Variants in PPFIA4 observed in about 807,000 individuals in gnomAD.
PPFIA4 encodes the protein PPFI scaffold protein A4.
PPFIA4 carries 98 observed loss-of-function variants against 145.7 expected under a neutral mutation model. The ratio of observed to expected loss-of-function variants is 0.67; its 90% CI spans 0.57 to 0.80. The LOEUF is 0.80. Among genes scored for constraint, PPFIA4 ranks in the 30% least tolerant of loss-of-function variants. The probability of loss-of-function intolerance (pLI) is 0.00; values close to 1 mark genes in which losing one functional copy is unlikely to be tolerated. For synonymous variants in PPFIA4, 628 were observed against 649.6 expected (o/e 0.97, Z 0.51); for missense variants, 1,457 against 1,632.7 (o/e 0.89, Z 1.85).
chr1:203,035,206 TG>T (rs1457584139), intron 1 of PPFIA4: 3 of 434,214 alleles, frequency 6.9e-6, no homozygotes, highest in Non-Finnish European at 1.4e-5. Flanking sequence ...GCTCCCTTTT[TG>T]CCCAGCTGAA....
Position 203,044,769 on chromosome 1 carries a change from C to T in PPFIA4, c.650C>T (p.Pro217Leu), listed in dbSNP as rs1485866754. The T allele has an allele frequency of 1.3e-5, 20 of 1,563,822 alleles. No homozygotes were observed. The highest frequency in any genetic ancestry group is 1.9e-5 in the Admixed American group (1 of 52,206). ...AEEEGTVELGPKRLWKEDTGR... is the reference protein window; with the variant it reads ...AEEEGTVELGLKRLWKEDTGR... The stretch of plus-strand genomic sequence containing the variant: ...GAGGAGGGGACTGTGGAGCTGGGGC[C>T]GAAACGCCTGTGGAAGGTAGGTCAT... Residue 217 changes from proline (P) to leucine (L), a missense_variant, in exon 6 of 30, where the codon CCG becomes CTG. Pro to Leu is a moderately conservative substitution (Grantham distance 98). Transcript: ENST00000295706.
chr1:203,054,711 CAGAG>C lies in PPFIA4; in HGVS notation c.1830-709_1830-706del, dbSNP rs368481154. Among the ~76,000 whole-genome samples the C allele has an allele frequency of 1.6e-3, 239 of 151,248 alleles. 3 individuals carry two copies. The highest frequency in any genetic ancestry group is 4.9e-3 in the African/African-American group (203 of 41,232). ...ACACACACACACACACATACACACA[CAGAG>C]AGAGAGAGAGAAAGGTACAAACGTA... is the stretch of plus-strand genomic sequence containing the variant. On this transcript the variant is annotated intron_variant, in intron 15 of 29. Transcript: ENST00000295706.
At chr1:203,029,917 G>T (rs1017787912) in intron 1 of PPFIA4, among the ~76,000 whole-genome samples, 1 of 152,152 alleles carries the variant, frequency 6.6e-6, no homozygotes, top group Non-Finnish European at 1.5e-5. Flanking sequence ...GAGTGCATAC[G>T]CACAATATGA....
intron 1 of PPFIA4, among the ~76,000 whole-genome samples, chr1:203,032,734 A>G (rs1658944084): frequency 6.6e-6 from 1 of 151,138 alleles, no homozygotes; most frequent in Non-Finnish European, 1.5e-5. Flanking sequence ...GGCATGAGCT[A>G]CCATGCCCGG....
chr1:203,037,484 T>G (rs1659368665), intron 1 of PPFIA4, among the ~76,000 whole-genome samples: 1 of 152,226 alleles, frequency 6.6e-6, no homozygotes, highest in East Asian at 1.9e-4. Context: ...GTCCTGCAAC[T>G]GGGACCTCTG....
Position 203,075,689 on chromosome 1 carries a change from G to T in PPFIA4, c.3506G>T (p.Gly1169Val). 5 of 1,488,474 alleles carry T rather than the reference G, an allele frequency of 3.4e-6. No individual in the cohort carries two copies. The highest frequency in any genetic ancestry group is 4.5e-6 in the Non-Finnish European group (5 of 1,116,902). 92.2% of individuals were successfully genotyped at this position (1,488,474 alleles called of 1,614,324 possible). Residue 1169 changes from glycine to valine, a missense_variant, in exon 29 of 30, where the codon GGC becomes GTC. By Grantham distance (109) the Gly-to-Val change is moderately radical. This residue lies in a region of PPFIA4 where 146 missense variants were observed against 126.2 expected (regional missense o/e 1.16). Coordinates refer to ENST00000295706, the MANE Select transcript of PPFIA4 (RefSeq NM_001304331.2). The surrounding 1 kb of genome is among the most constrained non-coding windows in gnomAD (Gnocchi z 4.1). Reference protein sequence around the residue: ...LSASAETLPAGFRVSTLGTLQ... With the variant: ...LSASAETLPAVFRVSTLGTLQ... ...GCTTCCGCGGAGACCCTCCCGGCGG[G>T]CTTCCGTGTGTCCACCCTGGGGACC...
chr1:203,069,763 G>T (rs2364570), intron 27 of PPFIA4, among the ~76,000 whole-genome samples: 2 of 108,708 alleles, frequency 1.8e-5, no homozygotes, highest in South Asian at 3.4e-4. Flanking sequence ...TGACCCCCCC[G>T]CCCCGCCCCC....
At position 203,051,808 on chromosome 1, in the gene PPFIA4, G is replaced by T. The variant is rs1219046560; in HGVS notation, c.1551G>T (p.Leu517=). 8.7e-6 allele frequency: 14 copies of T among 1,613,672 alleles called. No homozygotes were observed. In the East Asian group the frequency reaches 2.9e-4, roughly 33 times the overall value. Residue 517 remains leucine (L), a synonymous_variant, in exon 14 of 30, where the codon CTG becomes CTT. Coordinates refer to ENST00000295706, the MANE Select transcript of PPFIA4 (RefSeq NM_001304331.2). The part of the protein sequence containing the change: ...MGSAADVRFS[L]GTTTHAPPGV... ...GTGCAGCAGACGTGCGGTTCTCCCT[G>T]GGCACAACCACACACGCACCCCCAG...
At position 203,055,813 on chromosome 1, in the gene PPFIA4, C is replaced by A; in HGVS notation, c.2070+141C>A. ...GTGTGCAGACCCCGACATGTCAGGC[C>A]ACCAGCCTGTCCTTCTGGGTTTGGG... On this transcript the variant is annotated intron_variant, in intron 16 of 29. Coordinates refer to ENST00000295706, the MANE Select transcript of PPFIA4 (RefSeq NM_001304331.2). The surrounding 1 kb of genome is among the most constrained non-coding windows in gnomAD (Gnocchi z 4.8). 1 of 1,334,596 alleles carries A rather than the reference C, an allele frequency of 7.5e-7. No individual in the cohort carries two copies. The highest frequency in any genetic ancestry group is 1.0e-6 in the Non-Finnish European group (1 of 974,618). 82.7% of individuals were successfully genotyped at this position (1,334,596 alleles called of 1,614,324 possible).
In PPFIA4 at chr1:203,048,168, G is replaced by A. The variant is rs1009401718; in HGVS notation, c.1141-59G>A. 1.4e-5 allele frequency: 22 copies of A among 1,550,244 alleles called. No individual in the cohort carries two copies. Among genetic ancestry groups the A allele is most frequent in the East Asian group, 4.6e-5 (2 of 43,894 alleles). On this transcript the variant is annotated intron_variant, in intron 9 of 29. Coordinates refer to ENST00000295706, the MANE Select transcript of PPFIA4 (RefSeq NM_001304331.2). The surrounding 1 kb of genome is among the most constrained non-coding windows in gnomAD (Gnocchi z 5.8). Reference sequence around the variant, plus strand: ...CCTGGCACCAGGGTGCAGGGGATGCGGGGCCTGAGCAGGAAGAACAGAGAT... The same window carrying A: ...CCTGGCACCAGGGTGCAGGGGATGCAGGGCCTGAGCAGGAAGAACAGAGAT...
At position 203,068,565 on chromosome 1, in the gene PPFIA4, G is replaced by A; in HGVS notation, c.3261G>A (p.Leu1087=). The change falls in exon 27 of 30, where the codon CTG becomes CTA. Residue 1087 remains leucine (L), a synonymous_variant. Transcript: ENST00000295706. This position sits in a 1 kb window ranked among gnomAD's most constrained non-coding sequence, Gnocchi z 4.7. ...ESGVHGALLA[L]DENFDHNTLA... ...GTGTGCATGGAGCCTTGCTGGCCCTGGACGAGAACTTCGACCACAACACAC... is the reference window on the plus strand; with the variant it reads ...GTGTGCATGGAGCCTTGCTGGCCCTAGACGAGAACTTCGACCACAACACAC... 6.2e-7 allele frequency: 1 copy of A among 1,600,354 alleles called. No homozygotes were observed. The highest frequency in any genetic ancestry group is 8.5e-7 in the Non-Finnish European group (1 of 1,173,922).
At position 203,061,021 on chromosome 1, in the gene PPFIA4, T is replaced by G; in HGVS notation, c.2836T>G (p.Ser946Ala). The change falls in exon 23 of 30, where the codon TCT (serine) becomes GCT (alanine). Residue 946 changes from serine (S) to alanine (A), a missense_variant. By Grantham distance (99) the Ser-to-Ala change is moderately conservative. This residue lies in a region of PPFIA4 where 848 missense variants were observed against 1,046.7 expected (regional missense o/e 0.81). Coordinates refer to ENST00000295706, the MANE Select transcript of PPFIA4 (RefSeq NM_001304331.2). ...TGAAGAGATGGAAACTCTGGAAACA[T>G]CTACTAAAACAGTGAGTCTGGCCCT... ...THEEMETLETSTKTDSEEGSW... is the reference protein window; with the variant it reads ...THEEMETLETATKTDSEEGSW... 1 of 1,613,984 alleles carries G rather than the reference T, an allele frequency of 6.2e-7. No individual in the cohort carries two copies. The highest frequency in any genetic ancestry group is 8.5e-7 in the Non-Finnish European group (1 of 1,179,866).
chr1:203,031,402 T>C (rs1252031124), intron 1 of PPFIA4, among the ~76,000 whole-genome samples: 1 of 152,218 alleles, frequency 6.6e-6, no homozygotes, highest in African/African-American at 2.4e-5. Context: ...GCCACACATA[T>C]ATACCATGCG....
intron 19 of PPFIA4, among the ~76,000 whole-genome samples, 180 bp downstream of exon 19, chr1:203,057,130 T>A (rs552846286): frequency 3.3e-4 from 51 of 152,318 alleles, no homozygotes; most frequent in African/African-American, 1.2e-3. Context: ...CGGGGTGGAT[T>A]GCCTTGTGAG....
At chr1:203,035,407 G>C (rs923219715) in intron 1 of PPFIA4, 2 of 433,458 alleles carry the variant, frequency 4.6e-6, no homozygotes, top group Admixed American at 2.5e-5. Context: ...GTTAGGAAAA[G>C]GTGGGGGTGA....
chr1:203,036,785 G>T (rs781111316), intron 1 of PPFIA4, among the ~76,000 whole-genome samples: 22 of 152,238 alleles, frequency 1.4e-4, no homozygotes, highest in Non-Finnish European at 2.8e-4. Flanking sequence ...GGAGCAGGGA[G>T]GTGCGAGTAG....
chr1:203,068,482 G>C lies in PPFIA4; in HGVS notation c.3178G>C (p.Val1060Leu). 1.9e-6 allele frequency: 3 copies of C among 1,608,190 alleles called. No individual in the cohort carries two copies. The South Asian group carries it at 3.3e-5, about 18-fold the overall frequency. Residue 1060 changes from valine (V) to leucine (L), a missense_variant, in exon 27 of 30, where the codon GTT (valine) becomes CTT (leucine). Val to Leu is a conservative substitution (Grantham distance 32, BLOSUM62 1). Around this residue, in one of 3 missense-constraint regions of PPFIA4, gnomAD observed 848 missense variants for 1,046.7 expected, o/e 0.81. Coordinates refer to ENST00000295706, the MANE Select transcript of PPFIA4 (RefSeq NM_001304331.2). The surrounding 1 kb of genome is among the most constrained non-coding windows in gnomAD (Gnocchi z 4.7). ...DVLVWTNDQV[V>L]HWVQSIGLRD... is the part of the protein sequence containing the mutation. ...GTTAGTCTGGACCAACGACCAGGTGGTTCATTGGGTCCAGTCTATTGGGCT... is the reference window on the plus strand; with the variant it reads ...GTTAGTCTGGACCAACGACCAGGTGCTTCATTGGGTCCAGTCTATTGGGCT...
At position 203,053,827 on chromosome 1, in the gene PPFIA4, C is replaced by G. The variant is rs979379145; in HGVS notation, c.1695C>G (p.Ile565Met). 2 of 1,553,692 alleles carry G rather than the reference C, an allele frequency of 1.3e-6. No homozygotes were observed. The highest frequency in any genetic ancestry group is 1.7e-6 in the Non-Finnish European group (2 of 1,148,122). The part of the protein sequence containing the change: ...AGPAFDSDPE[I>M]SDVDEDEPGG... Reference sequence around the variant, plus strand: ...CTGCCTTTGACAGTGACCCTGAGATCTCCGACGTGGATGAGGATGAGCCAG... The same window carrying G: ...CTGCCTTTGACAGTGACCCTGAGATGTCCGACGTGGATGAGGATGAGCCAG... Residue 565 changes from isoleucine (I) to methionine (M), a missense_variant, in exon 15 of 30, where the codon ATC becomes ATG. Physicochemically the swap from Ile to Met is conservative, Grantham distance 10. Transcript: ENST00000295706.
At chr1:203,033,565 C>T (rs935068914) in intron 1 of PPFIA4, among the ~76,000 whole-genome samples, 1 of 152,170 alleles carries the variant, frequency 6.6e-6, no homozygotes, top group Admixed American at 6.5e-5. Context: ...TTCCCATTCA[C>T]AGAGGTTGGG....
Sources: gnomAD v4.1 joint callset for allele counts (sites outside exome capture counted in the v4.1 genomes callset) on GRCh38, gnomAD v4.1.1 for gene constraint, gnomAD v4.1.1 regional missense constraint, Gnocchi (gnomAD v3.1) non-coding constraint, MANE v1.5 for transcripts, NCBI Gene and HGNC (gene_info 2026-07-23, HGNC 2026-07-21) for gene names.